Variants in SYT2 observed in about 807,000 individuals in gnomAD.
SYT2 encodes synaptotagmin 2.
In SYT2, 15 loss-of-function variants were observed where a neutral mutation model predicts 39.9. The ratio of observed to expected loss-of-function variants is 0.38; its 90% CI spans 0.25 to 0.58. The LOEUF is 0.58. SYT2 is among the 20% of genes least tolerant of loss of function. The pLI, the probability that SYT2 is intolerant of heterozygous loss-of-function variation, is 0.70. For missense variants in SYT2, 389 were observed against 530.3 expected (o/e 0.73, Z 2.62); for synonymous variants, 181 against 204.5 (o/e 0.89, Z 0.98).
At chr1:202,610,226 G>A (rs1690849254) in intron 1 of SYT2, among the ~76,000 whole-genome samples, 2 of 151,834 alleles carry the variant, frequency 1.3e-5, no homozygotes, top group African/African-American at 4.9e-5. Flanking sequence ...TGAGGGCTCT[G>A]TTCTGTTCCA....
intron 1 of SYT2, among the ~76,000 whole-genome samples, chr1:202,699,764 A>G (rs1207727014): frequency 6.6e-6 from 1 of 152,126 alleles, no homozygotes; most frequent in Admixed American, 6.5e-5. Context: ...TATCCAGTGT[A>G]TGAACATTTG....
chr1:202,649,385 G>A (rs974749164), intron 1 of SYT2, among the ~76,000 whole-genome samples: 2 of 152,196 alleles, frequency 1.3e-5, no homozygotes, highest in African/African-American at 2.4e-5. Flanking sequence ...TGATGAGGCT[G>A]ACAGCAATGG....
At chr1:202,684,825 T>C (rs932300930) in intron 1 of SYT2, among the ~76,000 whole-genome samples, 4 of 152,182 alleles carry the variant, frequency 2.6e-5, no homozygotes, top group Admixed American at 2.0e-4. Flanking sequence ...TCTGATGAAA[T>C]GCCCCATCCT....
chr1:202,641,675 G>A (rs1220893715), intron 1 of SYT2, among the ~76,000 whole-genome samples: 1 of 152,228 alleles, frequency 6.6e-6, no homozygotes, highest in Non-Finnish European at 1.5e-5. Context: ...CTATTGTAGT[G>A]GAGATCTTTC....
intron 1 of SYT2, among the ~76,000 whole-genome samples, chr1:202,626,511 GGGACTA>G (rs1436553978): frequency 4.1e-5 from 6 of 147,944 alleles, no homozygotes; most frequent in Non-Finnish European, 8.9e-5. Flanking sequence ...ACGAGTAGCT[GGGACTA>G]CAGGCGTACC....
chr1:202,690,489 G>C (rs1282429611), intron 1 of SYT2, among the ~76,000 whole-genome samples: 8 of 152,112 alleles, frequency 5.3e-5, no homozygotes, highest in Non-Finnish European at 1.2e-4. Context: ...CAGATACATG[G>C]ATTCTCAGAG....
chr1:202,598,587 C>T (rs892546865), intron 8 of SYT2, among the ~76,000 whole-genome samples: 3 of 150,836 alleles, frequency 2.0e-5, no homozygotes, highest in Admixed American at 1.3e-4. Context: ...CCATGATAAC[C>T]GACCACTCTG....
chr1:202,604,312 TA>T (rs1690624616), intron 3 of SYT2, 142 bp downstream of exon 3: 1 of 784,204 alleles, frequency 1.3e-6, no homozygotes, highest in South Asian at 1.7e-5. Flanking sequence ...GGTGTTATAC[TA>T]GAGATGTAAC....
chr1:202,675,658 G>A (rs1341709831), intron 1 of SYT2, among the ~76,000 whole-genome samples: 1 of 152,136 alleles, frequency 6.6e-6, no homozygotes, highest in East Asian at 1.9e-4. Flanking sequence ...TCAAGAATGG[G>A]ACATACTCAT....
At chr1:202,632,938 T>A (rs1691637597) in intron 1 of SYT2, 1 of 152,138 alleles carries the variant, frequency 6.6e-6, no homozygotes, top group African/African-American at 2.4e-5. Context: ...CCATCCTGTA[T>A]GTTATGTGTT....
At position 202,601,338 on chromosome 1, in the gene SYT2, G is replaced by C. The variant is rs565266826; in HGVS notation, c.801+552C>G. Among the ~76,000 whole-genome samples, 7 of 152,320 alleles carry C rather than the reference G, an allele frequency of 4.6e-5. No homozygotes were observed. Among genetic ancestry groups the C allele is most frequent in the African/African-American group, 1.7e-4 (7 of 41,578 alleles). ...CTTCTCTACTCAGCCCTCCATCACT[G>C]CCTAGAGTGTGCCAGGTAGCAGGGC... On this transcript the variant is annotated intron_variant, in intron 6 of 8. Transcript: ENST00000367268. The surrounding 1 kb of genome is among the most constrained non-coding windows in gnomAD (Gnocchi z 4.0).
intron 1 of SYT2, among the ~76,000 whole-genome samples, chr1:202,611,976 G>A (rs903651976): frequency 1.3e-5 from 2 of 151,928 alleles, no homozygotes; most frequent in African/African-American, 2.4e-5. Context: ...TCAGCCTCCC[G>A]AGTAGCTAGG....
chr1:202,659,295 C>T (rs767140724), intron 1 of SYT2, among the ~76,000 whole-genome samples: 4 of 152,108 alleles, frequency 2.6e-5, no homozygotes, highest in African/African-American at 7.2e-5. Context: ...CTCTGTTTTC[C>T]CCGTTAAAAA....
At chr1:202,656,572 C>G (rs1312458443) in intron 1 of SYT2, among the ~76,000 whole-genome samples, 1 of 152,334 alleles carries the variant, frequency 6.6e-6, no homozygotes, top group East Asian at 1.9e-4. Flanking sequence ...ATTGTGACAT[C>G]TATAAAAGCA....
At chr1:202,605,153 T>G in intron 2 of SYT2, 1 of 166,822 alleles carries the variant, frequency 6.0e-6, no homozygotes, top group African/African-American at 2.4e-5. Context: ...TGAAGCACCA[T>G]CTCCCGCCAG....
chr1:202,709,645 A>C (rs1654342867), intron 1 of SYT2, among the ~76,000 whole-genome samples: 1 of 151,540 alleles, frequency 6.6e-6, no homozygotes, highest in African/African-American at 2.4e-5. Flanking sequence ...GAGAGAGGGG[A>C]GGGGCGCCTC....
chr1:202,663,107 G>C (rs528253958), intron 1 of SYT2, among the ~76,000 whole-genome samples: 59 of 152,226 alleles, frequency 3.9e-4, no homozygotes, highest in African/African-American at 1.3e-3. Flanking sequence ...TGTGGGGCAA[G>C]GGACAGCAAT....
At chr1:202,608,008 A>G (rs1170542305) in intron 1 of SYT2, among the ~76,000 whole-genome samples, 1 of 152,176 alleles carries the variant, frequency 6.6e-6, no homozygotes, top group Non-Finnish European at 1.5e-5. Flanking sequence ...AAGTTAGAAC[A>G]TTTTTGCCAC....
intron 1 of SYT2, among the ~76,000 whole-genome samples, chr1:202,668,123 A>C (rs977492675): frequency 5.3e-5 from 8 of 152,228 alleles, no homozygotes; most frequent in Admixed American, 4.6e-4. Context: ...TAGAGGCAGA[A>C]GATCTATAGC....
Sources: gnomAD v4.1 joint callset for allele counts (sites outside exome capture counted in the v4.1 genomes callset) on GRCh38, gnomAD v4.1.1 for gene constraint, Gnocchi (gnomAD v3.1) non-coding constraint, MANE v1.5 for transcripts, NCBI Gene and HGNC (gene_info 2026-07-23, HGNC 2026-07-21) for gene names.